Variants in PKHD1 observed in about 807,000 individuals in gnomAD.
The protein encoded by PKHD1 is PKHD1 ciliary IPT domain containing fibrocystin/polyductin.
Under a neutral mutation model 412.0 loss-of-function variants are expected in PKHD1, and 291 were observed. The ratio of observed to expected loss-of-function variants is 0.71; its 90% CI spans 0.64 to 0.78. PKHD1 has a LOEUF of 0.78. Among genes scored for constraint, PKHD1 ranks in the 30% least tolerant of loss-of-function variants. The probability of loss-of-function intolerance (pLI) is 0.00; values close to 1 mark genes in which losing one functional copy is unlikely to be tolerated. For missense variants in PKHD1, 4,825 were observed against 4,950.7 expected, an observed-to-expected ratio of 0.97 and a Z score of 0.76; for synonymous variants, 1,777 against 1,821.5, an observed-to-expected ratio of 0.98 and a Z score of 0.62.
intron 60 of PKHD1, among the ~76,000 whole-genome samples, chr6:51,731,970 A>T (rs193143514): frequency 4.6e-5 from 7 of 152,330 alleles, no homozygotes; most frequent in Admixed American, 1.3e-4. Flanking sequence ...AATATAGGCA[A>T]AGATCAAATA....
chr6:51,641,696 G>A (rs370184822), intron 63 of PKHD1, among the ~76,000 whole-genome samples: 5 of 152,198 alleles, frequency 3.3e-5, no homozygotes, highest in Non-Finnish European at 5.9e-5. Context: ...TATACACTAC[G>A]GAATACTATG....
Position 51,739,005 on chromosome 6 carries a change from A to ATG in PKHD1, c.10156+5378_10156+5379dup, listed in dbSNP as rs148648226. On this transcript the variant is annotated intron_variant, in intron 60 of 66. Transcript: ENST00000371117. ...TTCCATCCTTCTCATCTCTCCTGGAATGTGTGTGTGTGTGTGTATGTACTT... is the reference window on the plus strand; with the variant it reads ...TTCCATCCTTCTCATCTCTCCTGGAATGTGTGTGTGTGTGTGTGTATGTACTT... Among the ~76,000 whole-genome samples, 428 of 149,146 alleles carry ATG rather than the reference A, an allele frequency of 2.9e-3. 3 individuals carry two copies. The highest frequency in any genetic ancestry group is 0.022 in the South Asian group (102 of 4,720).
At chr6:51,900,982 C>A (rs1468556654) in intron 43 of PKHD1, among the ~76,000 whole-genome samples, 6 of 152,006 alleles carry the variant, frequency 3.9e-5, no homozygotes, top group African/African-American at 1.4e-4. Flanking sequence ...CATCTCACAC[C>A]AGTTAGAATG....
chr6:52,040,559 A>G (rs1211999962), intron 27 of PKHD1, among the ~76,000 whole-genome samples: 1 of 152,088 alleles, frequency 6.6e-6, no homozygotes, highest in East Asian at 1.9e-4. Context: ...AGGCCATATA[A>G]CTTGCTTTGG....
At chr6:51,625,646 A>T (rs1162740699) in intron 66 of PKHD1, among the ~76,000 whole-genome samples, 2 of 152,172 alleles carry the variant, frequency 1.3e-5, no homozygotes, top group Admixed American at 1.3e-4. Context: ...GTTCCTTAAT[A>T]AAACAGTTAG....
intron 36 of PKHD1, among the ~76,000 whole-genome samples, chr6:51,941,276 T>C (rs1229308635): frequency 1.7e-5 from 2 of 116,266 alleles, no homozygotes; most frequent in African/African-American, 3.3e-5. Flanking sequence ...TGAGACGGAG[T>C]CTCGCTCTGT....
chr6:51,940,695 C>T (rs1435492944), intron 36 of PKHD1, among the ~76,000 whole-genome samples: 3 of 151,646 alleles, frequency 2.0e-5, no homozygotes, highest in East Asian at 1.9e-4. Context: ...ACAGGACCAT[C>T]GCAGACGCTC....
intron 10 of PKHD1, among the ~76,000 whole-genome samples, chr6:52,070,040 G>A (rs954727077): frequency 3.9e-5 from 6 of 152,160 alleles, no homozygotes; most frequent in Admixed American, 2.6e-4. Flanking sequence ...ATAAAATGTG[G>A]ACCCCTTCCA....
Position 51,919,212 on chromosome 6 carries a change from G to A in PKHD1, c.6122-6636C>T, listed in dbSNP as rs62405979. Among the ~76,000 whole-genome samples the A allele has an allele frequency of 6.9e-3, 1,044 of 152,282 alleles. 3 individuals are homozygous for A. The highest frequency in any genetic ancestry group is 0.01 in the Non-Finnish European group (681 of 68,022). Reference sequence around the variant, plus strand: ...TCATGAAGTCCTTGCCCATGCCTACGTCCTGAATGGTATTGCCTAGGTTTT... The same window carrying A: ...TCATGAAGTCCTTGCCCATGCCTACATCCTGAATGGTATTGCCTAGGTTTT... On this transcript the variant is annotated intron_variant, in intron 37 of 66. Coordinates refer to ENST00000371117, the MANE Select transcript of PKHD1 (RefSeq NM_138694.4).
intron 60 of PKHD1, among the ~76,000 whole-genome samples, chr6:51,740,564 G>A (rs1231228688): frequency 1.3e-5 from 2 of 152,118 alleles, no homozygotes; most frequent in Non-Finnish European, 2.9e-5. Context: ...TGCTTTCTCT[G>A]ATTTACTGAA....
intron 46 of PKHD1, 103 bp downstream of exon 46, chr6:51,882,990 T>C (rs917996480): frequency 1.2e-6 from 1 of 849,562 alleles, no homozygotes; most frequent in African/African-American, 1.7e-5. Flanking sequence ...TGAGATTCAC[T>C]AAAGAATGCT....
At chr6:51,639,249 G>A (rs1019137666) in intron 63 of PKHD1, among the ~76,000 whole-genome samples, 2 of 152,040 alleles carry the variant, frequency 1.3e-5, no homozygotes, top group African/African-American at 4.8e-5. Flanking sequence ...CTATATTCTA[G>A]CAATTAGGAA....
At chr6:51,893,345 G>T (rs1779394558) in intron 43 of PKHD1, among the ~76,000 whole-genome samples, 1 of 152,178 alleles carries the variant, frequency 6.6e-6, no homozygotes, top group Non-Finnish European at 1.5e-5. Flanking sequence ...TGAATCATCT[G>T]CCCTAGTGCC....
chr6:51,969,788 C>T (rs899754768), intron 35 of PKHD1, among the ~76,000 whole-genome samples: 2 of 151,948 alleles, frequency 1.3e-5, no homozygotes, highest in Middle Eastern at 3.4e-3. Context: ...CACACACACA[C>T]ATATATATAT....
At chr6:52,053,675 C>G (rs1807240787) in intron 20 of PKHD1, among the ~76,000 whole-genome samples, 1 of 152,174 alleles carries the variant, frequency 6.6e-6, no homozygotes, top group Admixed American at 6.5e-5. Flanking sequence ...GGGATCAAGA[C>G]AGCTGAATTT....
At position 52,082,387 on chromosome 6, in the gene PKHD1, T is replaced by C; in HGVS notation, c.281+5A>G. 1 of 1,613,968 alleles carries C rather than the reference T, an allele frequency of 6.2e-7. No individual in the cohort carries two copies. On this transcript the variant is annotated splice_donor_5th_base_variant and intron_variant, in intron 4 of 66. Coordinates refer to ENST00000371117, the MANE Select transcript of PKHD1 (RefSeq NM_138694.4). Reference sequence around the variant, plus strand: ...TCTGGTCTTCCTATTCCCAGACAGGTATACCTGGTCCGGCATGTCACCACA... The same window carrying C: ...TCTGGTCTTCCTATTCCCAGACAGGCATACCTGGTCCGGCATGTCACCACA...
At chr6:52,042,838 G>C (rs1202473395) in intron 27 of PKHD1, 21 bp downstream of exon 27, 1 of 1,610,888 alleles carries the variant, frequency 6.2e-7, no homozygotes, top group South Asian at 1.1e-5. Flanking sequence ...CAGACATACT[G>C]TGAGACCCTC....
intron 60 of PKHD1, among the ~76,000 whole-genome samples, chr6:51,689,345 C>A (rs1010338591): frequency 1.3e-5 from 2 of 152,072 alleles, no homozygotes; most frequent in Admixed American, 1.3e-4. Flanking sequence ...AGGAACATAC[C>A]TCAAAATAAT....
intron 7 of PKHD1, 101 bp from the exon 8 acceptor site, chr6:52,072,290 C>T: frequency 1.3e-6 from 1 of 787,728 alleles, no homozygotes; most frequent in Non-Finnish European, 2.2e-6. Context: ...GCTATGAACA[C>T]TCTCCTCTGG....
Sources: allele counts gnomAD v4.1 joint callset (sites outside exome capture counted in the v4.1 genomes callset), GRCh38; gene constraint gnomAD v4.1.1; transcripts MANE v1.5; gene names NCBI Gene and HGNC (gene_info 2026-07-23, HGNC 2026-07-21).